Variants in ZDHHC14 observed in about 807,000 individuals in gnomAD.
ZDHHC14 encodes zDHHC palmitoyltransferase 14, also known as palmitoyltransferase ZDHHC14.
Under a neutral mutation model 47.7 loss-of-function variants are expected in ZDHHC14, and 16 were observed. The ratio of observed to expected loss-of-function variants is 0.34; its 90% CI spans 0.23 to 0.51. ZDHHC14 has a LOEUF of 0.51. Ranked by LOEUF, ZDHHC14 falls within the 20% of genes least tolerant of loss-of-function variation. The pLI is 0.97. For synonymous variants in ZDHHC14, 293 were observed against 278.9 expected (o/e 1.05, Z -0.50); for missense variants, 515 against 662.5 (o/e 0.78, Z 2.44).
intron 1 of ZDHHC14, among the ~76,000 whole-genome samples, chr6:157,456,539 C>T (rs1045390384): frequency 2.0e-5 from 3 of 152,250 alleles, no homozygotes; most frequent in Admixed American, 6.5e-5. Context: ...ATTATTTATT[C>T]GAGAACACCC....
intron 1 of ZDHHC14, among the ~76,000 whole-genome samples, chr6:157,487,767 G>T (rs543197883): frequency 6.6e-6 from 1 of 152,290 alleles, no homozygotes; most frequent in East Asian, 1.9e-4. Context: ...AAGAGCTAAA[G>T]GGAGATGTCA....
intron 1 of ZDHHC14, among the ~76,000 whole-genome samples, chr6:157,473,718 C>T (rs933322275): frequency 6.6e-6 from 1 of 152,134 alleles, no homozygotes; most frequent in African/African-American, 2.4e-5. Flanking sequence ...CACACGTAAC[C>T]TCATGTGACA....
chr6:157,548,467 A>C (rs1264604640), intron 2 of ZDHHC14, among the ~76,000 whole-genome samples: 2 of 146,210 alleles, frequency 1.4e-5, no homozygotes, highest in African/African-American at 5.1e-5. Context: ...TTGTTTTGAG[A>C]CTGAATTTTG....
chr6:157,440,159 A>G (rs1227985724), intron 1 of ZDHHC14, among the ~76,000 whole-genome samples: 4 of 133,672 alleles, frequency 3.0e-5, no homozygotes, highest in African/African-American at 1.1e-4. Context: ...GTACCCTGGA[A>G]CTTTAATAAT....
chr6:157,410,401 T>G (rs1184465109), intron 1 of ZDHHC14, among the ~76,000 whole-genome samples: 38 of 152,220 alleles, frequency 2.5e-4, no homozygotes. Context: ...TTTGTTGCAG[T>G]GCATTTTGTA....
chr6:157,617,954 G>A (rs775938684), intron 3 of ZDHHC14, among the ~76,000 whole-genome samples: 44 of 152,294 alleles, frequency 2.9e-4, no homozygotes, highest in Admixed American at 1.7e-3. Context: ...TTACAAATGC[G>A]TCAGCCATTC....
intron 1 of ZDHHC14, among the ~76,000 whole-genome samples, chr6:157,451,263 A>C (rs1053518754): frequency 2.6e-5 from 4 of 152,202 alleles, no homozygotes; most frequent in Non-Finnish European, 5.9e-5. Flanking sequence ...ATTTTGAGGT[A>C]TTTGGAGAAG....
intron 1 of ZDHHC14, among the ~76,000 whole-genome samples, chr6:157,505,389 G>A (rs1780300679): frequency 6.6e-6 from 1 of 152,164 alleles, no homozygotes; most frequent in Admixed American, 6.5e-5. Flanking sequence ...ACCATCATTT[G>A]CGTAGTTCAG....
chr6:157,500,962 C>T lies in ZDHHC14; in HGVS notation c.246-41623C>T, dbSNP rs149371514. 3.7e-4 allele frequency among the ~76,000 whole-genome samples: 56 copies of T among 152,282 alleles called. No individual in the cohort carries two copies. The East Asian group carries it at 0.01, about 28-fold the overall frequency. On this transcript the variant is annotated intron_variant, in intron 1 of 8. Transcript: ENST00000359775. ...GATTGCAATTTCCAGGAAGACAAGA[C>T]CCATCATCGTGGGCACGTTATGAAG...
intron 2 of ZDHHC14, among the ~76,000 whole-genome samples, chr6:157,568,982 G>A (rs1783005458): frequency 6.6e-6 from 1 of 151,936 alleles, no homozygotes; most frequent in African/African-American, 2.4e-5. Context: ...GCTCTTTAAA[G>A]ATACTACCCT....
chr6:157,613,815 G>A lies in ZDHHC14; in HGVS notation c.566-14534G>A, dbSNP rs548641921. Among the ~76,000 whole-genome samples the A allele has an allele frequency of 4.6e-5, 7 of 152,212 alleles. No homozygotes were observed. In the South Asian group the frequency reaches 8.3e-4, roughly 18 times the overall value. ...TTGTACCTAAAATGTGTGAGTGCAC[G>A]AGAGTGAAGGGATCCATAGCTGTCA... On this transcript the variant is annotated intron_variant, in intron 3 of 8. Coordinates refer to ENST00000359775, the MANE Select transcript of ZDHHC14 (RefSeq NM_024630.3).
rs192509032 is a variant in ZDHHC14 at position 157,570,086 on chromosome 6, A to G, written c.407-22902A>G. 1.6e-3 allele frequency among the ~76,000 whole-genome samples: 244 copies of G among 152,330 alleles called. 5 individuals carry two copies. Among genetic ancestry groups the G allele is most frequent in the East Asian group, 1.3e-3 (7 of 5,194 alleles). On this transcript the variant is annotated intron_variant, in intron 2 of 8. Transcript: ENST00000359775. ...TAGCATCCCCTGCTTCTGTACTGGT[A>G]ATCCTAATTCTCTTTTCTTCAATGC...
chr6:157,473,590 TG>T (rs1299323254), intron 1 of ZDHHC14, among the ~76,000 whole-genome samples: 2 of 152,350 alleles, frequency 1.3e-5, no homozygotes, highest in Non-Finnish European at 1.5e-5. Flanking sequence ...TTTCAGATTT[TG>T]GAATACTTAC....
At chr6:157,522,849 C>T (rs1226802121) in intron 1 of ZDHHC14, among the ~76,000 whole-genome samples, 5 of 48,240 alleles carry the variant, frequency 1.0e-4, no homozygotes, top group African/African-American at 7.1e-4. Flanking sequence ...TCCTTCCTTC[C>T]TTTCCTCCCT....
intron 1 of ZDHHC14, among the ~76,000 whole-genome samples, chr6:157,506,326 T>C (rs1780325462): frequency 6.6e-6 from 1 of 152,166 alleles, no homozygotes; most frequent in East Asian, 1.9e-4. Context: ...ATTAGGGAAA[T>C]GAAAGGGTTA....
At chr6:157,458,880 G>GTTTTTTTTT (rs1778997534) in intron 1 of ZDHHC14, among the ~76,000 whole-genome samples, 1 of 53,652 alleles carries the variant, frequency 1.9e-5, no homozygotes, top group Non-Finnish European at 3.6e-5. Context: ...TTGAGACGGA[G>GTTTTTTTTT]TTTCGCTCTT....
chr6:157,560,961 A>G (rs1326279478), intron 2 of ZDHHC14, among the ~76,000 whole-genome samples: 2 of 152,228 alleles, frequency 1.3e-5, no homozygotes, highest in Non-Finnish European at 2.9e-5. Flanking sequence ...GAGAAAGAAG[A>G]AATTGAACAA....
At chr6:157,546,707 G>A (rs182761014) in intron 2 of ZDHHC14, among the ~76,000 whole-genome samples, 273 of 152,270 alleles carry the variant, frequency 1.8e-3, no homozygotes, top group African/African-American at 2.4e-3. Flanking sequence ...TGATCTGATC[G>A]TAAGCAACTG....
At chr6:157,558,355 C>T (rs1782564679) in intron 2 of ZDHHC14, among the ~76,000 whole-genome samples, 1 of 152,214 alleles carries the variant, frequency 6.6e-6, no homozygotes, top group Non-Finnish European at 1.5e-5. Flanking sequence ...CATTTCTGAC[C>T]TGGCTAGTCT....
Sources: gnomAD v4.1 joint callset for allele counts (sites outside exome capture counted in the v4.1 genomes callset) on GRCh38, gnomAD v4.1.1 for gene constraint, MANE v1.5 for transcripts, NCBI Gene and HGNC (gene_info 2026-07-23, HGNC 2026-07-21) for gene names.